RPS6KC1: variants seen among roughly 807,000 people sequenced by gnomAD.
RPS6KC1 encodes the protein ribosomal protein S6 kinase C1, also known as inactive ribosomal protein S6 kinase delta-1.
In RPS6KC1, 54 loss-of-function variants were observed where a neutral mutation model predicts 103.8. The ratio of observed to expected loss-of-function variants is 0.52; its 90% CI spans 0.42 to 0.65. The LOEUF (loss-of-function observed/expected upper bound fraction) is 0.65. RPS6KC1 is among the 30% of genes least tolerant of loss of function. The pLI, the probability that RPS6KC1 is intolerant of heterozygous loss-of-function variation, is 0.00. For synonymous variants in RPS6KC1, 439 were observed against 438.7 expected, an observed-to-expected ratio of 1.00 and a Z score of -0.01; for missense variants, 1,151 against 1,253.8, an observed-to-expected ratio of 0.92 and a Z score of 1.24.
the RPS6KC1 span, among the ~76,000 whole-genome samples, chr1:213,520,542 G>A: frequency 2.0e-5 from 3 of 152,014 alleles, no homozygotes; most frequent in Non-Finnish European, 4.4e-5. Context: ...GGTAAGAAAG[G>A]GACTTAAAAG....
At chr1:213,306,432 T>A in the RPS6KC1 span, among the ~76,000 whole-genome samples, 1 of 152,216 alleles carries the variant, frequency 6.6e-6, no homozygotes, top group Admixed American at 6.5e-5. Context: ...TAGGGAATGA[T>A]GAGAGCATCC....
At chr1:213,374,698 C>T in the RPS6KC1 span, among the ~76,000 whole-genome samples, 1 of 152,214 alleles carries the variant, frequency 6.6e-6, no homozygotes, top group African/African-American at 2.4e-5. Flanking sequence ...CCTGCCCTTT[C>T]TGTTGAGATG....
chr1:213,692,416 T>A, the RPS6KC1 span, among the ~76,000 whole-genome samples: 1 of 152,110 alleles, frequency 6.6e-6, no homozygotes, highest in Middle Eastern at 3.4e-3. Flanking sequence ...AATAAAGTTT[T>A]AGAGCAGGAA....
At chr1:213,096,193 C>T (rs764225925) in intron 3 of RPS6KC1, among the ~76,000 whole-genome samples, 4 of 152,200 alleles carry the variant, frequency 2.6e-5, no homozygotes, top group South Asian at 2.1e-4. Flanking sequence ...TCTCAAGAAA[C>T]GACTTTCTCT....
At chr1:213,788,377 G>T in the RPS6KC1 span, among the ~76,000 whole-genome samples, 76 of 152,256 alleles carry the variant, frequency 5.0e-4, no homozygotes, top group African/African-American at 1.7e-3. Context: ...AGAAGTTGCT[G>T]CTTGTCATCT....
At chr1:213,110,089 T>A (rs112122992) in intron 4 of RPS6KC1, among the ~76,000 whole-genome samples, 43 of 152,316 alleles carry the variant, frequency 2.8e-4, no homozygotes, top group African/African-American at 9.6e-4. Flanking sequence ...TTTATTTATA[T>A]TTGCTATTTT....
chr1:213,854,582 CTT>C, the RPS6KC1 span, among the ~76,000 whole-genome samples: 1 of 146,902 alleles, frequency 6.8e-6, no homozygotes, highest in Non-Finnish European at 1.5e-5. Context: ...CTCTCTCTTT[CTT>C]TCTTTCTTTC....
chr1:213,088,452 C>T (rs888866586), intron 3 of RPS6KC1, among the ~76,000 whole-genome samples: 10 of 152,004 alleles, frequency 6.6e-5, no homozygotes, highest in Non-Finnish European at 1.3e-4. Context: ...CAGCCTCTAC[C>T]TCCGGGTTCA....
At chr1:213,417,860 G>T in the RPS6KC1 span, among the ~76,000 whole-genome samples, 1,585 of 152,252 alleles carry the variant, frequency 0.01, 28 homozygotes, top group African/African-American at 0.035. Flanking sequence ...ACAACTCAGT[G>T]TTGTTTCCCT....
At chr1:213,590,191 A>T in the RPS6KC1 span, among the ~76,000 whole-genome samples, 4 of 152,120 alleles carry the variant, frequency 2.6e-5, no homozygotes, top group Non-Finnish European at 5.9e-5. Flanking sequence ...CAATCTGTTT[A>T]TGCAGGTGGG....
chr1:213,862,522 T>C, the RPS6KC1 span, among the ~76,000 whole-genome samples: 1 of 152,196 alleles, frequency 6.6e-6, no homozygotes, highest in Non-Finnish European at 1.5e-5. Flanking sequence ...ATTTTTTTTT[T>C]CTACTCTGCT....
chr1:213,626,201 T>C, the RPS6KC1 span, among the ~76,000 whole-genome samples: 1 of 152,274 alleles, frequency 6.6e-6, no homozygotes, highest in Non-Finnish European at 1.5e-5. Context: ...CATTTTTTCA[T>C]GTGTCTTTTG....
chr1:213,556,863 G>A, the RPS6KC1 span, among the ~76,000 whole-genome samples: 7,750 of 152,206 alleles, frequency 0.051, 674 homozygotes, highest in African/African-American at 0.17. Flanking sequence ...AGCATCATTC[G>A]TTACTTCTGT....
the RPS6KC1 span, among the ~76,000 whole-genome samples, chr1:213,457,764 T>C: frequency 6.6e-6 from 1 of 152,212 alleles, no homozygotes; most frequent in Non-Finnish European, 1.5e-5. Flanking sequence ...AATAACTTAA[T>C]TGCTGGGTTC....
chr1:213,081,864 A>G (rs1353210916), intron 3 of RPS6KC1, among the ~76,000 whole-genome samples: 1 of 152,102 alleles, frequency 6.6e-6, no homozygotes, highest in Non-Finnish European at 1.5e-5. Context: ...CTTTGAGATG[A>G]CTACAGCGTT....
At chr1:213,625,900 G>A in the RPS6KC1 span, among the ~76,000 whole-genome samples, 1 of 152,186 alleles carries the variant, frequency 6.6e-6, no homozygotes, top group Non-Finnish European at 1.5e-5. Flanking sequence ...ACGTGTGCAT[G>A]TGTCTTTATA....
the RPS6KC1 span, among the ~76,000 whole-genome samples, chr1:213,572,463 T>C: frequency 6.6e-6 from 1 of 152,230 alleles, no homozygotes; most frequent in African/African-American, 2.4e-5. Flanking sequence ...AAGATGGTCC[T>C]TCTGATTTTC....
At chr1:213,771,519 A>G in the RPS6KC1 span, among the ~76,000 whole-genome samples, 21 of 152,338 alleles carry the variant, frequency 1.4e-4, no homozygotes, top group African/African-American at 5.0e-4. Context: ...ACACCTCCGG[A>G]GGAGAGGGAA....
chr1:213,511,310 G>A, the RPS6KC1 span, among the ~76,000 whole-genome samples: 1 of 152,210 alleles, frequency 6.6e-6, no homozygotes, highest in Non-Finnish European at 1.5e-5. Context: ...GGCTCTCTGA[G>A]GGCAGGGGAG....
Sources: gnomAD v4.1 joint callset for allele counts (sites outside exome capture counted in the v4.1 genomes callset) on GRCh38, gnomAD v4.1.1 for gene constraint, MANE v1.5 for transcripts, NCBI Gene and HGNC (gene_info 2026-07-23, HGNC 2026-07-21) for gene names.